Variants in GLYATL3 observed in about 807,000 individuals in gnomAD.
GLYATL3 encodes the protein glycine N-acyltransferase-like protein 3.
In GLYATL3, 31 loss-of-function variants were observed where a neutral mutation model predicts 28.5. The ratio of observed to expected loss-of-function variants is 1.09; its 90% CI spans 0.82 to 1.47. The LOEUF is 1.47. Among genes scored for constraint, GLYATL3 ranks in the 40% most tolerant of loss-of-function variants. GLYATL3 has a pLI of 0.00. For missense variants in GLYATL3, 369 were observed against 351.5 expected (o/e 1.05, Z -0.40); for synonymous variants, 141 against 140.2 (o/e 1.01, Z -0.04).
At chr6:49,516,769 G>A (rs1769222098) in intron 3 of GLYATL3, among the ~76,000 whole-genome samples, 1 of 151,438 alleles carries the variant, frequency 6.6e-6, no homozygotes, top group South Asian at 2.1e-4. Context: ...ACTCCAGCCT[G>A]GGCAACAAAG....
chr6:49,518,773 T>C (rs1294082913), intron 4 of GLYATL3, among the ~76,000 whole-genome samples: 1 of 151,972 alleles, frequency 6.6e-6, no homozygotes, highest in Non-Finnish European at 1.5e-5. Flanking sequence ...ACCCCGTCTC[T>C]ACTAAAAATA....
chr6:49,524,746 A>C (rs886950858), intron 5 of GLYATL3, among the ~76,000 whole-genome samples: 19 of 151,850 alleles, frequency 1.3e-4, no homozygotes, highest in Non-Finnish European at 2.1e-4. Flanking sequence ...GCACTTGCCG[A>C]GGCGGGTAGA....
At chr6:49,512,292 T>C (rs1173014102) in intron 2 of GLYATL3, among the ~76,000 whole-genome samples, 8 of 150,568 alleles carry the variant, frequency 5.3e-5, no homozygotes, top group African/African-American at 1.9e-4. Context: ...TTCTTTTTTT[T>C]TTTTTTTTAA....
At position 49,521,728 on chromosome 6, in the gene GLYATL3, G is replaced by T; in HGVS notation, c.397G>T (p.Val133Phe). The change falls in exon 5 of 6, where the codon GTT becomes TTT. Residue 133 changes from valine to phenylalanine, a missense_variant. Transcript: ENST00000371197. ...LNIKLTSFKA[V>F]HFSPVSSLPD... The stretch of plus-strand genomic sequence containing the variant: ...TATAAAGCTAACTTCCTTCAAGGCT[G>T]TTCATTTTTCTCCTGTTTCATCTCT... 1 of 1,551,432 alleles carries T rather than the reference G, an allele frequency of 6.4e-7. No homozygotes were observed. Among genetic ancestry groups the T allele is most frequent in the African/African-American group, 1.4e-5 (1 of 73,166 alleles).
At chr6:49,524,968 CAA>C (rs911424000) in intron 5 of GLYATL3, among the ~76,000 whole-genome samples, 44 of 43,670 alleles carry the variant, frequency 1.0e-3, no homozygotes, top group African/African-American at 2.9e-3. Context: ...GACTCCCTCT[CAA>C]AAAAAAAAAA....
Position 49,527,770 on chromosome 6 carries a change from G to T in GLYATL3, c.*856G>T, listed in dbSNP as rs1769449655. On this transcript the variant is annotated 3_prime_UTR_variant, in exon 6 of 6. Transcript: ENST00000371197. ...AGATTTATATATAGGGGTGTTTGGG[G>T]GTATGCAAATGAATATATAACATAT... 6.6e-6 allele frequency among the ~76,000 whole-genome samples: 1 copy of T among 151,546 alleles called. No individual in the cohort carries two copies. Among genetic ancestry groups the T allele is most frequent in the South Asian group, 2.1e-4 (1 of 4,790 alleles).
At chr6:49,524,923 T>G (rs186435886) in intron 5 of GLYATL3, among the ~76,000 whole-genome samples, 1 of 133,706 alleles carries the variant, frequency 7.5e-6, no homozygotes, top group Non-Finnish European at 1.5e-5. Context: ...GAGGTTGCAG[T>G]GAGCCACTGC....
At chr6:49,507,666 C>T (rs527528940) in intron 1 of GLYATL3, among the ~76,000 whole-genome samples, 1 of 152,102 alleles carries the variant, frequency 6.6e-6, no homozygotes, top group African/African-American at 2.4e-5. Context: ...CAAAGAAGGC[C>T]ACCTTGGGCG....
chr6:49,502,169 C>T (rs987601888), intron 1 of GLYATL3, among the ~76,000 whole-genome samples: 2 of 152,314 alleles, frequency 1.3e-5, no homozygotes, highest in African/African-American at 2.4e-5. Flanking sequence ...GCAATCATAG[C>T]TTGGCACTGA....
intron 1 of GLYATL3, among the ~76,000 whole-genome samples, chr6:49,505,729 G>A (rs1769000087): frequency 6.6e-6 from 1 of 152,186 alleles, no homozygotes; most frequent in Non-Finnish European, 1.5e-5. Context: ...AGAAATTTTA[G>A]TGACACACTG....
intron 2 of GLYATL3, among the ~76,000 whole-genome samples, chr6:49,512,279 T>TC (rs1331581223): frequency 2.7e-4 from 37 of 139,184 alleles, no homozygotes; most frequent in South Asian, 4.5e-4. Context: ...TTTTTTTTTT[T>TC]CTTTCTTTTT....
At chr6:49,518,186 TTTG>T (rs369581941) in intron 4 of GLYATL3, among the ~76,000 whole-genome samples, 200 of 152,084 alleles carry the variant, frequency 1.3e-3, no homozygotes, top group African/African-American at 4.5e-3. Context: ...AGGGCCCTTT[TTTG>T]TTGTTGTTGT....
At chr6:49,525,108 T>TTTTTTTTTTGTTTTTG in intron 5 of GLYATL3, among the ~76,000 whole-genome samples, 1 of 151,214 alleles carries the variant, frequency 6.6e-6, no homozygotes, top group African/African-American at 2.4e-5. Context: ...TTTTTTTTTT[T>TTTTTTTTTTGTTTTTG]TATTGAGCAA....
At chr6:49,505,158 A>C (rs1202513058) in intron 1 of GLYATL3, among the ~76,000 whole-genome samples, 1 of 152,216 alleles carries the variant, frequency 6.6e-6, no homozygotes, top group Non-Finnish European at 1.5e-5. Flanking sequence ...CTAGAGTATC[A>C]ACTTTATGAT....
intron 4 of GLYATL3, among the ~76,000 whole-genome samples, chr6:49,519,644 C>T (rs1561979532): frequency 6.6e-6 from 1 of 152,308 alleles, no homozygotes; most frequent in East Asian, 1.9e-4. Context: ...GTCACAGATA[C>T]TAGTTTGGCT....
chr6:49,516,796 A>C (rs866876378), intron 3 of GLYATL3, among the ~76,000 whole-genome samples: 11 of 151,980 alleles, frequency 7.2e-5, no homozygotes, highest in African/African-American at 1.2e-4. Context: ...CCTGTTGCTA[A>C]AAAATAAAAA....
At chr6:49,507,076 G>C (rs1403204673) in intron 1 of GLYATL3, among the ~76,000 whole-genome samples, 1 of 152,124 alleles carries the variant, frequency 6.6e-6, no homozygotes, top group Admixed American at 6.5e-5. Flanking sequence ...CAAGATAGGA[G>C]GCAGAGGGTG....
At chr6:49,521,272 C>T (rs1325693323) in intron 4 of GLYATL3, among the ~76,000 whole-genome samples, 1 of 152,170 alleles carries the variant, frequency 6.6e-6, no homozygotes, top group Non-Finnish European at 1.5e-5. Context: ...CTCTTGTATA[C>T]TTCATAGACT....
chr6:49,517,155 T>C (rs1377857624), intron 3 of GLYATL3, among the ~76,000 whole-genome samples: 1 of 15,306 alleles, frequency 6.5e-5, no homozygotes, highest in Non-Finnish European at 1.9e-4. Context: ...TGAGACTCTG[T>C]CTAAAAAAAA....
Sources: gnomAD v4.1 joint callset for allele counts (sites outside exome capture counted in the v4.1 genomes callset) on GRCh38, gnomAD v4.1.1 for gene constraint, MANE v1.5 for transcripts, NCBI Gene and HGNC (gene_info 2026-07-23, HGNC 2026-07-21) for gene names.